ALK: variants seen among roughly 807,000 people sequenced by gnomAD.
ALK encodes the protein ALK receptor tyrosine kinase.
Under a neutral mutation model 163.1 loss-of-function variants are expected in ALK, and 74 were observed. The ratio of observed to expected loss-of-function variants is 0.45; its 90% CI spans 0.38 to 0.55. The LOEUF is 0.55. ALK is among the 20% of genes least tolerant of loss of function. The pLI, the probability that ALK is intolerant of heterozygous loss-of-function variation, is 0.00. For synonymous variants in ALK, 960 were observed against 843.2 expected, an observed-to-expected ratio of 1.14 and a Z score of -2.40; for missense variants, 2,063 against 2,105.3, an observed-to-expected ratio of 0.98 and a Z score of 0.39.
At chr2:29,423,646 T>C (rs1351153571) in intron 4 of ALK, among the ~76,000 whole-genome samples, 1 of 152,212 alleles carries the variant, frequency 6.6e-6, no homozygotes, top group East Asian at 1.9e-4. Flanking sequence ...AAAATGTACA[T>C]TGCAGAGGAA....
intron 8 of ALK, among the ~76,000 whole-genome samples, chr2:29,316,596 T>G (rs922896759): frequency 1.3e-5 from 2 of 152,182 alleles, no homozygotes; most frequent in Non-Finnish European, 2.9e-5. Context: ...AAAGACCAAA[T>G]GCTCTTAAGG....
chr2:29,816,997 C>T (rs559793856), intron 1 of ALK, among the ~76,000 whole-genome samples: 1 of 152,136 alleles, frequency 6.6e-6, no homozygotes, highest in Non-Finnish European at 1.5e-5. Context: ...GTGCTTTGTG[C>T]GTATGAACTC....
intron 1 of ALK, among the ~76,000 whole-genome samples, chr2:29,884,993 G>A (rs1666952536): frequency 6.6e-6 from 1 of 150,456 alleles, no homozygotes; most frequent in African/African-American, 2.4e-5. Context: ...ATGCAGATGG[G>A]TTTATGATCA....
At chr2:29,718,473 G>A (rs1246024329) in intron 1 of ALK, among the ~76,000 whole-genome samples, 6 of 152,100 alleles carry the variant, frequency 3.9e-5, no homozygotes, top group South Asian at 4.2e-4. Context: ...AATGTTTTAC[G>A]GCAGACAAAG....
At chr2:29,506,725 G>A (rs1182782689) in intron 4 of ALK, among the ~76,000 whole-genome samples, 1 of 150,084 alleles carries the variant, frequency 6.7e-6, no homozygotes, top group Non-Finnish European at 1.5e-5. Flanking sequence ...CAGCCTGGGT[G>A]ACGGAGCAAG....
chr2:29,873,042 C>T (rs1296976294), intron 1 of ALK, among the ~76,000 whole-genome samples: 1 of 152,208 alleles, frequency 6.6e-6, no homozygotes, highest in Non-Finnish European at 1.5e-5. Context: ...GTGTCTTAGA[C>T]AGTGTGAGCT....
At chr2:29,859,139 C>A (rs1194687912) in intron 1 of ALK, among the ~76,000 whole-genome samples, 1 of 152,118 alleles carries the variant, frequency 6.6e-6, no homozygotes, top group Non-Finnish European at 1.5e-5. Context: ...GTGGGTGGGG[C>A]AGGATAAAAT....
chr2:29,519,197 A>G (rs978485097), intron 4 of ALK, among the ~76,000 whole-genome samples: 8 of 152,182 alleles, frequency 5.3e-5, no homozygotes, highest in African/African-American at 1.4e-4. Flanking sequence ...CTGCTGTACA[A>G]TGGGGTGATC....
chr2:29,813,844 C>A (rs1023100983), intron 1 of ALK, among the ~76,000 whole-genome samples: 3 of 152,196 alleles, frequency 2.0e-5, no homozygotes, highest in African/African-American at 7.2e-5. Context: ...TGGGAAAGAT[C>A]CTTCTATCAT....
intron 25 of ALK, 61 bp downstream of exon 25, chr2:29,209,725 C>T (rs2148154796): frequency 1.6e-6 from 2 of 1,257,382 alleles, no homozygotes; most frequent in South Asian, 1.2e-5. Flanking sequence ...AGCCACACCC[C>T]ATTCTTGAGG....
In ALK at chr2:29,789,015, C is replaced by CTGTGTGTGTGTGTGTGTGTGTG. The variant is rs57619106; in HGVS notation, c.668-71340_668-71319dup. On this transcript the variant is annotated intron_variant, in intron 1 of 28. Transcript: ENST00000389048. ...TAAAAACATGCTCCATCCTGGTACACTGTGTGTGTGTGTGTGTGTGTGTGT... is the reference window on the plus strand; with the variant it reads ...TAAAAACATGCTCCATCCTGGTACACTGTGTGTGTGTGTGTGTGTGTGTGTGTGTGTGTGTGTGTGTGTGTGT... Among the ~76,000 whole-genome samples, 420 of 125,488 alleles carry CTGTGTGTGTGTGTGTGTGTGTG rather than the reference C, an allele frequency of 3.3e-3. 14 individuals carry two copies. The highest frequency in any genetic ancestry group is 5.0e-3 in the Non-Finnish European group (296 of 59,086). 82.3% of individuals were successfully genotyped at this position (125,488 alleles called of 152,430 possible). A position where few individuals can be genotyped will look rare whatever the true frequency, so the allele number is the denominator to read the frequency against.
intron 1 of ALK, among the ~76,000 whole-genome samples, chr2:29,760,351 GCTT>G (rs1388062716): frequency 2.6e-5 from 4 of 152,118 alleles, no homozygotes; most frequent in Admixed American, 2.6e-4. Context: ...CTCGGCCGCA[GCTT>G]CTTCATTTGT....
intron 3 of ALK, among the ~76,000 whole-genome samples, chr2:29,662,076 A>G (rs12615206): frequency 0.56 from 85,484 of 151,778 alleles, 26,449 homozygotes; most frequent in East Asian, 0.74. Flanking sequence ...TGCCTGGCTA[A>G]TTTGTTTGTA....
Position 29,777,156 on chromosome 2 carries a change from C to T in ALK, c.668-59459G>A, listed in dbSNP as rs558307736. Among the ~76,000 whole-genome samples the T allele has an allele frequency of 1.3e-3, 203 of 152,322 alleles. 3 individuals are homozygous for T. Among genetic ancestry groups the T allele is most frequent in the African/African-American group, 4.6e-3 (192 of 41,578 alleles). ...ATCAGGGGCTCATACACTAAACTAG[C>T]ATTTGCTATTTTAAAGCAAGAATCA... On this transcript the variant is annotated intron_variant, in intron 1 of 28. Transcript: ENST00000389048.
intron 23 of ALK, among the ~76,000 whole-genome samples, chr2:29,216,138 G>A (rs553561382): frequency 1.4e-4 from 21 of 152,246 alleles, no homozygotes; most frequent in Non-Finnish European, 2.4e-4. Flanking sequence ...TCCCTCCTGC[G>A]GCAAAGAGTT....
intron 4 of ALK, among the ~76,000 whole-genome samples, chr2:29,510,868 G>A (rs1362870571): frequency 6.6e-6 from 1 of 152,140 alleles, no homozygotes; most frequent in Non-Finnish European, 1.5e-5. Flanking sequence ...TCGTGAATCA[G>A]AGGCCCAGGA....
At chr2:29,871,094 G>A (rs866716948) in intron 1 of ALK, among the ~76,000 whole-genome samples, 4 of 152,246 alleles carry the variant, frequency 2.6e-5, no homozygotes, top group Non-Finnish European at 5.9e-5. Context: ...TGGTCAACAC[G>A]CATGAACCTT....
At chr2:29,231,389 T>C (rs1293913951) in intron 15 of ALK, among the ~76,000 whole-genome samples, 2 of 152,250 alleles carry the variant, frequency 1.3e-5, no homozygotes, top group African/African-American at 2.4e-5. Flanking sequence ...AGCTCGGCCC[T>C]GTTGAGAAAA....
At chr2:29,870,185 C>A (rs922627406) in intron 1 of ALK, among the ~76,000 whole-genome samples, 2 of 152,136 alleles carry the variant, frequency 1.3e-5, no homozygotes, top group African/African-American at 4.8e-5. Context: ...ATTCTGTTCT[C>A]ACACTGCTAT....
Sources: gnomAD v4.1 joint callset for allele counts (sites outside exome capture counted in the v4.1 genomes callset) on GRCh38, gnomAD v4.1.1 for gene constraint, MANE v1.5 for transcripts, NCBI Gene and HGNC (gene_info 2026-07-23, HGNC 2026-07-21) for gene names.